Variants in XYLT1 observed in about 807,000 individuals in gnomAD.
XYLT1 encodes xylosyltransferase 1, also known as beta-D-xylosyltransferase 1.
XYLT1 carries 36 observed loss-of-function variants against 91.3 expected under a neutral mutation model. That is an observed-to-expected ratio of 0.39 (90% CI 0.30 to 0.52). The LOEUF is 0.52. XYLT1 is among the 20% of genes least tolerant of loss of function. The probability of loss-of-function intolerance (pLI) is 0.68; values close to 1 mark genes in which losing one functional copy is unlikely to be tolerated. For synonymous variants in XYLT1, 588 were observed against 532.0 expected (o/e 1.11, Z -1.45); for missense variants, 1,242 against 1,284.5 (o/e 0.97, Z 0.51).
chr16:17,127,596 G>T, intron 10 of XYLT1, 70 bp downstream of exon 10: 2 of 1,521,052 alleles, frequency 1.3e-6, no homozygotes, highest in Admixed American at 1.9e-5. Flanking sequence ...AGAAGTGTCA[G>T]ATAGTGGAGT....
At chr16:17,370,800 G>T (rs560975878) in intron 1 of XYLT1, among the ~76,000 whole-genome samples, 18 of 152,108 alleles carry the variant, frequency 1.2e-4, no homozygotes, top group Middle Eastern at 3.2e-3. Flanking sequence ...GGCATTTTTT[G>T]GAAAAATCAG....
intron 2 of XYLT1, among the ~76,000 whole-genome samples, chr16:17,274,685 T>C (rs1047104774): frequency 2.6e-5 from 4 of 152,046 alleles, no homozygotes; most frequent in African/African-American, 9.7e-5. Context: ...GAAAGCAGTT[T>C]TCCAGCCTCA....
intron 2 of XYLT1, among the ~76,000 whole-genome samples, chr16:17,330,104 T>TACACACACACACACACACACAC (rs35148093): frequency 9.5e-4 from 138 of 144,582 alleles, no homozygotes; most frequent in African/African-American, 1.8e-3. Context: ...TGGAGGTAGA[T>TACACACACACACACACACACAC]ACACACACAC....
chr16:17,424,188 T>C (rs2141925145), intron 1 of XYLT1, among the ~76,000 whole-genome samples: 1 of 152,362 alleles, frequency 6.6e-6, no homozygotes, highest in African/African-American at 2.4e-5. Flanking sequence ...AAAAGATCTG[T>C]GTCCCAATCC....
intron 11 of XYLT1, among the ~76,000 whole-genome samples, chr16:17,116,453 T>A (rs1473448566): frequency 6.6e-6 from 1 of 152,218 alleles, no homozygotes; most frequent in East Asian, 1.9e-4. Flanking sequence ...TCTGTGATAT[T>A]TCCCCCTCAA....
intron 6 of XYLT1, among the ~76,000 whole-genome samples, chr16:17,156,346 G>T (rs2031407232): frequency 6.6e-6 from 1 of 152,186 alleles, no homozygotes. Flanking sequence ...ATTTACAATG[G>T]GCTCCTTTCT....
At chr16:17,270,427 G>A (rs573890544) in intron 2 of XYLT1, among the ~76,000 whole-genome samples, 1 of 152,308 alleles carries the variant, frequency 6.6e-6, no homozygotes, top group South Asian at 2.1e-4. Context: ...ACAGCGCTCA[G>A]AGCACCCAAG....
At chr16:17,261,852 C>A (rs1331757001) in intron 2 of XYLT1, among the ~76,000 whole-genome samples, 1 of 152,178 alleles carries the variant, frequency 6.6e-6, no homozygotes, top group Non-Finnish European at 1.5e-5. Flanking sequence ...TGGTTGTACA[C>A]AGGAACTGCT....
At chr16:17,161,680 C>CTG (rs1339901578) in intron 5 of XYLT1, among the ~76,000 whole-genome samples, 1 of 150,346 alleles carries the variant, frequency 6.7e-6, no homozygotes, top group African/African-American at 2.5e-5. Context: ...CTCGCGCGCT[C>CTG]TCTCTCTCTC....
At chr16:17,172,216 T>TC (rs2031836708) in intron 5 of XYLT1, among the ~76,000 whole-genome samples, 1 of 152,108 alleles carries the variant, frequency 6.6e-6, no homozygotes, top group South Asian at 2.1e-4. Flanking sequence ...CCCTTTTTTT[T>TC]CTCTCCCTCT....
intron 1 of XYLT1, among the ~76,000 whole-genome samples, chr16:17,462,764 G>T (rs1488737986): frequency 6.6e-6 from 1 of 152,068 alleles, no homozygotes; most frequent in African/African-American, 2.4e-5. Context: ...CTTCTCCCTT[G>T]GTTAGAGAGA....
At chr16:17,183,506 T>C (rs780201515) in intron 5 of XYLT1, among the ~76,000 whole-genome samples, 1 of 152,210 alleles carries the variant, frequency 6.6e-6, no homozygotes, top group Non-Finnish European at 1.5e-5. Flanking sequence ...ATTTAAATCC[T>C]GGCTCCAACC....
At chr16:17,336,054 AAAGG>A (rs1352042861) in intron 2 of XYLT1, among the ~76,000 whole-genome samples, 1 of 152,298 alleles carries the variant, frequency 6.6e-6, no homozygotes, top group East Asian at 1.9e-4. Flanking sequence ...AAGACTTTGT[AAAGG>A]AAGAAGAGGA....
chr16:17,293,489 TCC>T (rs2034261448), intron 2 of XYLT1, among the ~76,000 whole-genome samples: 2 of 118,666 alleles, frequency 1.7e-5, no homozygotes, highest in South Asian at 2.9e-4. Context: ...ATTTTCTCCC[TCC>T]TTTTTTTTTT....
rs10607398 is a variant in XYLT1 at position 17,249,650 on chromosome 16, TTTTGTTTGTTTGTTTG to T, written c.913+9322_913+9337del. 615 of 151,884 alleles carry T rather than the reference TTTTGTTTGTTTGTTTG, an allele frequency of 4.0e-3. 4 individuals are homozygous for T. Among genetic ancestry groups the T allele is most frequent in the Non-Finnish European group, 7.2e-3 (495 of 68,400 alleles). The allele number at this position is 151,884 out of a possible 1,614,324, so 9.4% of individuals were successfully genotyped here. On this transcript the variant is annotated intron_variant, in intron 3 of 11. Coordinates refer to ENST00000261381, the MANE Select transcript of XYLT1 (RefSeq NM_022166.4). Reference sequence around the variant, plus strand: ...CCTTCTCTAGGCACCTATGTAGTTTTTTTGTTTGTTTGTTTGTTTGTTTGTTTGTTTGTTTTGAGAT... The same window carrying T: ...CCTTCTCTAGGCACCTATGTAGTTTTTTTGTTTGTTTGTTTGTTTTGAGAT...
chr16:17,122,008 C>T (rs896556940), intron 10 of XYLT1, among the ~76,000 whole-genome samples: 1 of 152,038 alleles, frequency 6.6e-6, no homozygotes, highest in African/African-American at 2.4e-5. Flanking sequence ...AATTTATTCA[C>T]TGATTGATGG....
At chr16:17,437,349 G>A (rs899701336) in intron 1 of XYLT1, among the ~76,000 whole-genome samples, 1 of 152,070 alleles carries the variant, frequency 6.6e-6, no homozygotes, top group Non-Finnish European at 1.5e-5. Context: ...ACTCCCACAT[G>A]TGGCCACAGA....
chr16:17,153,660 G>A (rs762923636), intron 6 of XYLT1, among the ~76,000 whole-genome samples: 2 of 152,118 alleles, frequency 1.3e-5, no homozygotes, highest in African/African-American at 2.4e-5. Flanking sequence ...AGTCATGGTT[G>A]GAGCAGCTAA....
At chr16:17,429,944 T>TTC (rs1323926014) in intron 1 of XYLT1, among the ~76,000 whole-genome samples, 1 of 149,808 alleles carries the variant, frequency 6.7e-6, no homozygotes, top group African/African-American at 2.5e-5. Flanking sequence ...TTTTTTTTTT[T>TTC]TTTTTTTTTT....
Sources: gnomAD v4.1 joint callset for allele counts (sites outside exome capture counted in the v4.1 genomes callset) on GRCh38, gnomAD v4.1.1 for gene constraint, MANE v1.5 for transcripts, NCBI Gene and HGNC (gene_info 2026-07-23, HGNC 2026-07-21) for gene names.